The following CSMD1 variants were observed in gnomAD, a reference collection of about 807,000 sequenced individuals.
The protein encoded by CSMD1 is CUB and sushi domain-containing protein 1.
In CSMD1, 213 loss-of-function variants were observed where a neutral mutation model predicts 417.5. The ratio of observed to expected loss-of-function variants is 0.51; its 90% CI spans 0.46 to 0.57. The LOEUF (loss-of-function observed/expected upper bound fraction) is 0.57. CSMD1 is among the 20% of genes least tolerant of loss of function. CSMD1 has a pLI of 0.00. For missense variants in CSMD1, 6,923 were observed against 4,529.7 expected, an observed-to-expected ratio of 1.53 and a Z score of -15.17; for synonymous variants, 2,862 against 1,736.8, an observed-to-expected ratio of 1.65 and a Z score of -16.11.
At chr8:4,162,444 A>G (rs1390697962) in intron 3 of CSMD1, among the ~76,000 whole-genome samples, 1 of 152,218 alleles carries the variant, frequency 6.6e-6, no homozygotes, top group Non-Finnish European at 1.5e-5. Context: ...AACAGAATAG[A>G]GGTGAATTCA....
At chr8:4,799,174 T>G (rs1798146165) in intron 1 of CSMD1, among the ~76,000 whole-genome samples, 1 of 152,126 alleles carries the variant, frequency 6.6e-6, no homozygotes, top group Non-Finnish European at 1.5e-5. Context: ...AGTCACTACA[T>G]GACAGGCACT....
rs74427980 is a variant in CSMD1 at position 4,233,713 on chromosome 8, A to G, written c.415+186240T>C. On this transcript the variant is annotated intron_variant, in intron 3 of 69. Coordinates refer to ENST00000635120, the MANE Select transcript of CSMD1 (RefSeq NM_033225.6). Reference sequence around the variant, plus strand: ...ATGGAATTTTGGTACAGCAGCCCCAACAGACTAAGATATTAATAAAATAAA... The same window carrying G: ...ATGGAATTTTGGTACAGCAGCCCCAGCAGACTAAGATATTAATAAAATAAA... 5.6e-4 allele frequency among the ~76,000 whole-genome samples: 85 copies of G among 152,272 alleles called. No homozygotes were observed. In the East Asian group the frequency reaches 0.015, roughly 28 times the overall value.
intron 6 of CSMD1, among the ~76,000 whole-genome samples, chr8:3,719,303 C>A (rs996753556): frequency 6.6e-6 from 1 of 152,098 alleles, no homozygotes; most frequent in East Asian, 1.9e-4. Context: ...CCTAGAGGCC[C>A]AGATAGCTGA....
chr8:4,408,652 T>C (rs1006012545), intron 3 of CSMD1, among the ~76,000 whole-genome samples: 2 of 152,182 alleles, frequency 1.3e-5, no homozygotes, highest in African/African-American at 4.8e-5. Flanking sequence ...TTCAAGTTGA[T>C]CAATTAAATC....
At chr8:3,229,373 T>G (rs1405451763) in intron 27 of CSMD1, among the ~76,000 whole-genome samples, 1 of 152,218 alleles carries the variant, frequency 6.6e-6, no homozygotes, top group African/African-American at 2.4e-5. Flanking sequence ...TAGAATATTT[T>G]ATTGAATGAA....
At chr8:4,090,131 T>A (rs1800639215) in intron 3 of CSMD1, among the ~76,000 whole-genome samples, 1 of 152,256 alleles carries the variant, frequency 6.6e-6, no homozygotes, top group Non-Finnish European at 1.5e-5. Context: ...AAGCTCATCA[T>A]TAATAGAATA....
chr8:4,406,271 A>C (rs751698095), intron 3 of CSMD1, among the ~76,000 whole-genome samples: 3 of 152,152 alleles, frequency 2.0e-5, no homozygotes, highest in Non-Finnish European at 4.4e-5. Context: ...TTGCCCTCAG[A>C]TAGTGCAATT....
chr8:4,446,089 T>A (rs1002755186), intron 2 of CSMD1, among the ~76,000 whole-genome samples: 10 of 152,224 alleles, frequency 6.6e-5, no homozygotes, highest in African/African-American at 2.2e-4. Context: ...GGGCTCCGTG[T>A]TCACTGTAGA....
Position 3,308,400 on chromosome 8 carries a change from G to A in CSMD1, c.3735C>T (p.Asn1245=). The part of the protein sequence containing the change: ...FTDTVVLYSC[N]PGYAMHGSNT... ...TGCTGCCATGCATGGCGTACCCCGG[G>A]TTGCAACTGTACAGAACTACAGTGT... Residue 1245 remains asparagine (N), a synonymous_variant, in exon 24 of 70, where the codon AAC becomes AAT. Transcript: ENST00000635120. 1 of 1,613,836 alleles carries A rather than the reference G, an allele frequency of 6.2e-7. No homozygotes were observed. The highest frequency in any genetic ancestry group is 2.2e-5 in the East Asian group (1 of 44,840).
chr8:3,305,774 G>A lies in CSMD1; in HGVS notation c.3950+1921C>T, dbSNP rs748689954. ...AGCTCACTGCAGGCTCCACCTCCTGGGTTCACACCATTCTCCTGCCTCAGC... is the reference window on the plus strand; with the variant it reads ...AGCTCACTGCAGGCTCCACCTCCTGAGTTCACACCATTCTCCTGCCTCAGC... On this transcript the variant is annotated intron_variant, in intron 25 of 69. Coordinates refer to ENST00000635120, the MANE Select transcript of CSMD1 (RefSeq NM_033225.6). 3.3e-5 allele frequency among the ~76,000 whole-genome samples: 5 copies of A among 152,214 alleles called. No homozygotes were observed. The South Asian group carries it at 1.0e-3, about 32-fold the overall frequency.
At chr8:4,175,145 C>G (rs187266245) in intron 3 of CSMD1, among the ~76,000 whole-genome samples, 2 of 151,940 alleles carry the variant, frequency 1.3e-5, no homozygotes, top group Admixed American at 1.3e-4. Flanking sequence ...AAGACCTCGA[C>G]CATCAAGAAA....
chr8:3,326,798 A>G (rs935361530), intron 23 of CSMD1, among the ~76,000 whole-genome samples: 1 of 152,214 alleles, frequency 6.6e-6, no homozygotes, highest in Non-Finnish European at 1.5e-5. Context: ...AATATTTTAT[A>G]GGCTTTCTTT....
intron 1 of CSMD1, among the ~76,000 whole-genome samples, chr8:4,645,377 T>G (rs377738090): frequency 8.4e-4 from 110 of 131,170 alleles, no homozygotes; most frequent in East Asian, 8.3e-3. Flanking sequence ...TTAATGGTAA[T>G]AAAGTCATTC....
chr8:3,565,368 G>C (rs924116767), intron 10 of CSMD1, among the ~76,000 whole-genome samples: 1 of 152,046 alleles, frequency 6.6e-6, no homozygotes, highest in Non-Finnish European at 1.5e-5. Context: ...ACGGGGAAAG[G>C]TCTGATTGAA....
At position 4,680,971 on chromosome 8, in the gene CSMD1, T is replaced by A. The variant is rs533103726; in HGVS notation, c.86-43413A>T. Among the ~76,000 whole-genome samples the A allele has an allele frequency of 5.7e-5, 7 of 122,288 alleles. No individual in the cohort carries two copies. The South Asian group carries it at 1.9e-3, about 33-fold the overall frequency. 80.2% of individuals were successfully genotyped at this position (122,288 alleles called of 152,430 possible). On this transcript the variant is annotated intron_variant, in intron 1 of 69. Coordinates refer to ENST00000635120, the MANE Select transcript of CSMD1 (RefSeq NM_033225.6). ...ATTGATGTGTGTGTGTGTGTGTGTG[T>A]GTGTGAGAGAGAGAGAGAGAGAGAG... is the stretch of plus-strand genomic sequence containing the variant.
chr8:3,426,877 T>C (rs142160688), intron 12 of CSMD1, among the ~76,000 whole-genome samples: 4,134 of 152,250 alleles, frequency 0.027, 127 homozygotes, highest in African/African-American at 0.078. Flanking sequence ...CTGGGTAGTT[T>C]ATAAAGGAAA....
At chr8:3,205,668 A>G in intron 30 of CSMD1, 48 bp from the exon 31 acceptor site, 1 of 856,652 alleles carries the variant, frequency 1.2e-6, no homozygotes, top group Non-Finnish European at 1.8e-6. Flanking sequence ...ATAATAGCGC[A>G]GGTGATAGGT....
intron 10 of CSMD1, among the ~76,000 whole-genome samples, chr8:3,560,394 C>T (rs1428505421): frequency 6.6e-6 from 1 of 152,082 alleles, no homozygotes; most frequent in Non-Finnish European, 1.5e-5. Context: ...TCAAGAATTT[C>T]AGTGTCTTTT....
intron 4 of CSMD1, among the ~76,000 whole-genome samples, chr8:4,021,871 C>CCCT (rs768944870): frequency 2.6e-4 from 39 of 151,900 alleles, no homozygotes; most frequent in Non-Finnish European, 7.4e-5. Flanking sequence ...AGTGCCATCC[C>CCCT]CCTCTCTAGC....
Sources: gnomAD v4.1 joint callset for allele counts (sites outside exome capture counted in the v4.1 genomes callset) on GRCh38, gnomAD v4.1.1 for gene constraint, MANE v1.5 for transcripts, NCBI Gene and HGNC (gene_info 2026-07-23, HGNC 2026-07-21) for gene names.